Variants in PABPC3 observed in about 807,000 individuals in gnomAD.
The protein encoded by PABPC3 is poly(A) binding protein cytoplasmic 3.
PABPC3 carries 43 observed loss-of-function variants against 43.0 expected under a neutral mutation model. The ratio of observed to expected loss-of-function variants is 1.00; its 90% confidence interval spans 0.78 to 1.29. The LOEUF (loss-of-function observed/expected upper bound fraction) is 1.29, where lower values mean the gene tolerates loss of function less well. Among genes scored for constraint, PABPC3 ranks in the 50% most tolerant of loss-of-function variants. The probability of loss-of-function intolerance (pLI) is 0.00; values close to 1 mark genes in which losing one functional copy is unlikely to be tolerated. For missense variants in PABPC3, 784 were observed against 798.1 expected (o/e 0.98, Z 0.21); for synonymous variants, 221 against 274.6 (o/e 0.80, Z 1.93).
At position 25,096,345 on chromosome 13, in the gene PABPC3, C is replaced by G; in HGVS notation, c.147C>G (p.Ser49Arg). 2 of 1,614,236 alleles carry G rather than the reference C, an allele frequency of 1.2e-6. No homozygotes were observed. The highest frequency in any genetic ancestry group is 1.7e-6 in the Non-Finnish European group (2 of 1,180,052). ...SIRICRDLIT[S>R]GSSNYAYVNF... ...GGATCTGCAGGGACTTGATCACCAG[C>G]GGCTCCTCCAACTACGCGTATGTGA... The change falls in exon 1 of 1, where the codon AGC becomes AGG. Residue 49 changes from serine (S) to arginine (R), a missense_variant. Physicochemically the swap from Ser to Arg is moderately radical, Grantham distance 110. Coordinates refer to ENST00000281589, the MANE Select transcript of PABPC3 (RefSeq NM_030979.3).
At position 25,096,364 on chromosome 13, in the gene PABPC3, T is replaced by A. The variant is rs1956036107; in HGVS notation, c.166T>A (p.Tyr56Asn). The A allele has an allele frequency of 6.2e-7, 1 of 1,614,078 alleles. No homozygotes were observed. The highest frequency in any genetic ancestry group is 1.7e-5 in the Admixed American group (1 of 60,004). The change falls in exon 1 of 1, where the codon TAT becomes AAT. Residue 56 changes from tyrosine (Y) to asparagine (N), a missense_variant. Physicochemically the swap from Tyr to Asn is moderately radical, Grantham distance 143 (BLOSUM62 -2). Coordinates refer to ENST00000281589, the MANE Select transcript of PABPC3 (RefSeq NM_030979.3). ...CACCAGCGGCTCCTCCAACTACGCG[T>A]ATGTGAACTTCCAGCATACGAAGGA... is the stretch of plus-strand genomic sequence containing the variant. ...LITSGSSNYA[Y>N]VNFQHTKDAE...
rs200575875 is a variant in PABPC3, at chr13:25,096,676, G to A, written c.478G>A (p.Gly160Arg). Residue 160 changes from glycine (G) to arginine (R), a missense_variant, in exon 1 of 1, where the codon GGA becomes AGA. Coordinates refer to ENST00000281589, the MANE Select transcript of PABPC3 (RefSeq NM_030979.3). ...AAERAIKKMN[G>R]MLLNGRKVFV... ...TGAAAGAGCTATTAAAAAAATGAACGGAATGCTCCTAAATGGTCGCAAAGT... is the reference window on the plus strand; with the variant it reads ...TGAAAGAGCTATTAAAAAAATGAACAGAATGCTCCTAAATGGTCGCAAAGT... 55 of 1,614,048 alleles carry A rather than the reference G, an allele frequency of 3.4e-5. No homozygotes were observed. Among genetic ancestry groups the A allele is most frequent in the Non-Finnish European group, 4.2e-5 (50 of 1,180,040 alleles).
At position 25,096,441 on chromosome 13, in the gene PABPC3, A is replaced by G. The variant is rs372437075; in HGVS notation, c.243A>G (p.Pro81=). The part of the protein sequence containing the change: ...TMNFDVIKGK[P]VRIMWSQRDP... ...ATTTTGATGTTATAAAGGGCAAGCC[A>G]GTACGCATCATGTGGTCTCAGCGTG... Residue 81 remains proline (P), a synonymous_variant, in exon 1 of 1, where the codon CCA becomes CCG. Coordinates refer to ENST00000281589, the MANE Select transcript of PABPC3 (RefSeq NM_030979.3). The G allele has an allele frequency of 1.2e-6, 2 of 1,614,266 alleles. No homozygotes were observed. Among genetic ancestry groups the G allele is most frequent in the Non-Finnish European group, 1.7e-6 (2 of 1,180,048 alleles).
Position 25,096,737 on chromosome 13 carries a change from A to G in PABPC3, c.539A>G (p.Glu180Gly), listed in dbSNP as rs769081819. Reference protein sequence around the residue: ...VGQFKSRKEREAELGARAKEF... With the variant: ...VGQFKSRKERGAELGARAKEF... The stretch of plus-strand genomic sequence containing the variant: ...CAATTTAAGTCTCGTAAAGAACGAG[A>G]AGCTGAACTTGGAGCTAGGGCAAAA... Residue 180 changes from glutamate (E) to glycine (G), a missense_variant, in exon 1 of 1, where the codon GAA becomes GGA. Physicochemically the swap from Glu to Gly is moderately conservative, Grantham distance 98. Coordinates refer to ENST00000281589, the MANE Select transcript of PABPC3 (RefSeq NM_030979.3). 6.2e-7 allele frequency: 1 copy of G among 1,614,310 alleles called. No individual in the cohort carries two copies. Among genetic ancestry groups the G allele is most frequent in the Non-Finnish European group, 8.5e-7 (1 of 1,180,060 alleles).
In PABPC3 at chr13:25,098,296, T is replaced by C. The variant is rs1290715594; in HGVS notation, c.*202T>C. Reference sequence around the variant, plus strand: ...TATAATGCTAGTCCTAGATTACTTATTGATTTAAAAACAAAAAAAAGATTA... The same window carrying C: ...TATAATGCTAGTCCTAGATTACTTACTGATTTAAAAACAAAAAAAAGATTA... On this transcript the variant is annotated 3_prime_UTR_variant, in exon 1 of 1. Transcript: ENST00000281589. 6.3e-6 allele frequency: 3 copies of C among 476,132 alleles called. No homozygotes were observed. The highest frequency in any genetic ancestry group is 3.9e-5 in the Admixed American group (1 of 25,752). 29.5% of individuals were successfully genotyped at this position (476,132 alleles called of 1,614,324 possible). A position where few individuals can be genotyped will look rare whatever the true frequency, so the allele number is the denominator to read the frequency against.
chr13:25,096,462 G>C lies in PABPC3; in HGVS notation c.264G>C (p.Gln88His). 1 of 1,614,226 alleles carries C rather than the reference G, an allele frequency of 6.2e-7. No homozygotes were observed. Among genetic ancestry groups the C allele is most frequent in the African/African-American group, 1.3e-5 (1 of 75,056 alleles). The change falls in exon 1 of 1, where the codon CAG (glutamine) becomes CAC (histidine). Residue 88 changes from glutamine (Q) to histidine (H), a missense_variant. By Grantham distance (24) the Gln-to-His change is conservative (BLOSUM62 0). Transcript: ENST00000281589. Reference sequence around the variant, plus strand: ...AGCCAGTACGCATCATGTGGTCTCAGCGTGATCCATCACTTCGAAAAAGTG... The same window carrying C: ...AGCCAGTACGCATCATGTGGTCTCACCGTGATCCATCACTTCGAAAAAGTG... Reference protein sequence around the residue: ...KGKPVRIMWSQRDPSLRKSGV... With the variant: ...KGKPVRIMWSHRDPSLRKSGV...
rs1956059900 is a variant in PABPC3, at chr13:25,098,292, C to T, written c.*198C>T. ...CAAATATAATGCTAGTCCTAGATTA[C>T]TTATTGATTTAAAAACAAAAAAAAG... is the stretch of plus-strand genomic sequence containing the variant. On this transcript the variant is annotated 3_prime_UTR_variant, in exon 1 of 1. Coordinates refer to ENST00000281589, the MANE Select transcript of PABPC3 (RefSeq NM_030979.3). The T allele has an allele frequency of 2.1e-6, 1 of 479,374 alleles. No individual in the cohort carries two copies. 29.7% of individuals were successfully genotyped at this position (479,374 alleles called of 1,614,324 possible).
rs768683709 is a variant in PABPC3 at position 25,097,282 on chromosome 13, C to G, written c.1084C>G (p.Pro362Ala). The part of the protein sequence containing the change: ...EMNGRIVATK[P>A]LYVALAQRKE... ...GAACGGTAGAATTGTGGCCACAAAGCCATTGTATGTAGCTTTAGCTCAGCG... is the reference window on the plus strand; with the variant it reads ...GAACGGTAGAATTGTGGCCACAAAGGCATTGTATGTAGCTTTAGCTCAGCG... The change falls in exon 1 of 1, where the codon CCA (proline) becomes GCA (alanine). Residue 362 changes from proline to alanine, a missense_variant. Pro to Ala is a conservative substitution (Grantham distance 27, BLOSUM62 -1). Coordinates refer to ENST00000281589, the MANE Select transcript of PABPC3 (RefSeq NM_030979.3). 1 of 1,614,288 alleles carries G rather than the reference C, an allele frequency of 6.2e-7. No homozygotes were observed. The highest frequency in any genetic ancestry group is 8.5e-7 in the Non-Finnish European group (1 of 1,180,056).
rs1202292951 is a variant in PABPC3, at chr13:25,097,480, A to G, written c.1282A>G (p.Ser428Gly). The G allele has an allele frequency of 6.2e-7, 1 of 1,614,260 alleles. No individual in the cohort carries two copies. The highest frequency in any genetic ancestry group is 1.1e-5 in the South Asian group (1 of 91,086). ...PPSQIARLRP[S>G]PRWTAQGARP... ...TAGCCAAATTGCTCGACTAAGACCA[A>G]GTCCTCGCTGGACTGCTCAGGGTGC... is the stretch of plus-strand genomic sequence containing the variant. Residue 428 changes from serine to glycine, a missense_variant, in exon 1 of 1, where the codon AGT becomes GGT. By Grantham distance (56) the Ser-to-Gly change is moderately conservative. Transcript: ENST00000281589.
Position 25,098,058 on chromosome 13 carries a change from A to G in PABPC3, c.1860A>G (p.Lys620=), listed in dbSNP as rs758698743. The G allele has an allele frequency of 5.7e-5, 92 of 1,613,918 alleles. No homozygotes were observed. The South Asian group carries it at 9.7e-4, about 17-fold the overall frequency. Residue 620 remains lysine (K), a synonymous_variant, in exon 1 of 1, where the codon AAA becomes AAG. Transcript: ENST00000281589. ...QAHQAKEATQ[K]AVNSATGVPT... ...ACCAAGCTAAAGAGGCTACCCAGAA[A>G]GCAGTTAACAGTGCTACCGGTGTTC... is the stretch of plus-strand genomic sequence containing the variant.
At position 25,098,585 on chromosome 13, in the gene PABPC3, T is replaced by C. The variant is rs1227753238; in HGVS notation, c.*491T>C. 1.2e-5 allele frequency: 2 copies of C among 167,340 alleles called. No individual in the cohort carries two copies. Among genetic ancestry groups the C allele is most frequent in the African/African-American group, 4.8e-5 (2 of 41,266 alleles). 10.4% of individuals were successfully genotyped at this position (167,340 alleles called of 1,614,324 possible). A position where few individuals can be genotyped will look rare whatever the true frequency, so the allele number is the denominator to read the frequency against. ...CAGTGAAAAAAAGAAAAATCATCAA[T>C]TTTACTAATAGTCTTTCTTTACATT... On this transcript the variant is annotated 3_prime_UTR_variant, in exon 1 of 1. Coordinates refer to ENST00000281589, the MANE Select transcript of PABPC3 (RefSeq NM_030979.3).
Position 25,096,266 on chromosome 13 carries a change from C to G in PABPC3, c.68C>G (p.Thr23Ser), listed in dbSNP as rs2137382526. ...LYVGDLHPDV[T>S]EAMLYEKFSP... ...GTGGGGGACCTCCACCCCGACGTGA[C>G]TGAGGCGATGCTCTACGAGAAGTTC... is the stretch of plus-strand genomic sequence containing the variant. Residue 23 changes from threonine (T) to serine (S), a missense_variant, in exon 1 of 1, where the codon ACT becomes AGT. Thr to Ser is a moderately conservative substitution (Grantham distance 58, BLOSUM62 1). Transcript: ENST00000281589. The G allele has an allele frequency of 6.2e-7, 1 of 1,614,258 alleles. No homozygotes were observed. The highest frequency in any genetic ancestry group is 8.5e-7 in the Non-Finnish European group (1 of 1,180,050).
At position 25,098,319 on chromosome 13, in the gene PABPC3, T is replaced by G; in HGVS notation, c.*225T>G. On this transcript the variant is annotated 3_prime_UTR_variant, in exon 1 of 1. Coordinates refer to ENST00000281589, the MANE Select transcript of PABPC3 (RefSeq NM_030979.3). Reference sequence around the variant, plus strand: ...TATTGATTTAAAAACAAAAAAAAGATTACTTAATTTTGATTTAAAAACAAA... The same window carrying G: ...TATTGATTTAAAAACAAAAAAAAGAGTACTTAATTTTGATTTAAAAACAAA... The G allele has an allele frequency of 2.3e-6, 1 of 432,742 alleles. No individual in the cohort carries two copies. 26.8% of individuals were successfully genotyped at this position (432,742 alleles called of 1,614,324 possible). A position where few individuals can be genotyped will look rare whatever the true frequency, so the allele number is the denominator to read the frequency against.
At position 25,096,662 on chromosome 13, in the gene PABPC3, T is replaced by C; in HGVS notation, c.464T>C (p.Ile155Thr). 1 of 1,614,240 alleles carries C rather than the reference T, an allele frequency of 6.2e-7. No individual in the cohort carries two copies. The change falls in exon 1 of 1, where the codon ATT becomes ACT. Residue 155 changes from isoleucine (I) to threonine (T), a missense_variant. Coordinates refer to ENST00000281589, the MANE Select transcript of PABPC3 (RefSeq NM_030979.3). ...ACACACGAAGCAGCTGAAAGAGCTATTAAAAAAATGAACGGAATGCTCCTA... is the reference window on the plus strand; with the variant it reads ...ACACACGAAGCAGCTGAAAGAGCTACTAAAAAAATGAACGGAATGCTCCTA... ...FETHEAAERA[I>T]KKMNGMLLNG...
rs774572581 is a variant in PABPC3 at position 25,097,509 on chromosome 13, A to G, written c.1311A>G (p.Arg437=). ...PSPRWTAQGA[R]PHPFQNKPSA... ...CTCGCTGGACTGCTCAGGGTGCCAG[A>G]CCTCATCCATTCCAAAATAAGCCCA... The change falls in exon 1 of 1, where the codon AGA becomes AGG. Residue 437 remains arginine (R), a synonymous_variant. Transcript: ENST00000281589. 2 of 1,614,230 alleles carry G rather than the reference A, an allele frequency of 1.2e-6. No individual in the cohort carries two copies. Among genetic ancestry groups the G allele is most frequent in the Middle Eastern group, 1.6e-4 (1 of 6,062 alleles).
Position 25,097,760 on chromosome 13 carries a change from C to G in PABPC3, c.1562C>G (p.Ala521Gly), listed in dbSNP as rs1565996815. 10 of 1,614,026 alleles carry G rather than the reference C, an allele frequency of 6.2e-6. No homozygotes were observed. The highest frequency in any genetic ancestry group is 8.5e-6 in the Non-Finnish European group (10 of 1,180,022). ...GVRNPQQHRN[A>G]QPQVTMQQLA... Reference sequence around the variant, plus strand: ...CGCAATCCTCAGCAACATCGTAATGCACAGCCACAAGTTACAATGCAACAG... The same window carrying G: ...CGCAATCCTCAGCAACATCGTAATGGACAGCCACAAGTTACAATGCAACAG... The change falls in exon 1 of 1, where the codon GCA becomes GGA. Residue 521 changes from alanine to glycine, a missense_variant. Physicochemically the swap from Ala to Gly is moderately conservative, Grantham distance 60. Coordinates refer to ENST00000281589, the MANE Select transcript of PABPC3 (RefSeq NM_030979.3).
At position 25,097,848 on chromosome 13, in the gene PABPC3, T is replaced by A. The variant is rs1261573987; in HGVS notation, c.1650T>A (p.Pro550=). The A allele has an allele frequency of 2.5e-6, 4 of 1,613,878 alleles. No homozygotes were observed. The highest frequency in any genetic ancestry group is 1.7e-5 in the Admixed American group (1 of 59,998). The change falls in exon 1 of 1, where the codon CCT becomes CCA. Residue 550 remains proline (P), a synonymous_variant. Coordinates refer to ENST00000281589, the MANE Select transcript of PABPC3 (RefSeq NM_030979.3). Reference sequence around the variant, plus strand: ...CCTCCAGGTTGGCATCTGCCCCTCCTCAAAAGCAAAAGCAAATGTTAGGTG... The same window carrying A: ...CCTCCAGGTTGGCATCTGCCCCTCCACAAAAGCAAAAGCAAATGTTAGGTG... ...LTASRLASAP[P]QKQKQMLGER...
In PABPC3 at chr13:25,096,423, T is replaced by C. The variant is rs1956036896; in HGVS notation, c.225T>C (p.Asp75=). The C allele has an allele frequency of 1.9e-6, 3 of 1,614,178 alleles. No homozygotes were observed. The highest frequency in any genetic ancestry group is 2.7e-5 in the African/African-American group (2 of 75,056). Reference sequence around the variant, plus strand: ...ATGCTCTGGACACCATGAATTTTGATGTTATAAAGGGCAAGCCAGTACGCA... The same window carrying C: ...ATGCTCTGGACACCATGAATTTTGACGTTATAAAGGGCAAGCCAGTACGCA... ...AEHALDTMNF[D]VIKGKPVRIM... Residue 75 remains aspartate, a synonymous_variant, in exon 1 of 1, where the codon GAT becomes GAC. Coordinates refer to ENST00000281589, the MANE Select transcript of PABPC3 (RefSeq NM_030979.3).
rs1345529087 is a variant in PABPC3 at position 25,098,047 on chromosome 13, G to T, written c.1849G>T (p.Ala617Ser). The part of the protein sequence containing the change: ...AVLQAHQAKE[A>S]TQKAVNSATG... ...ACTACAAGCCCACCAAGCTAAAGAGGCTACCCAGAAAGCAGTTAACAGTGC... is the reference window on the plus strand; with the variant it reads ...ACTACAAGCCCACCAAGCTAAAGAGTCTACCCAGAAAGCAGTTAACAGTGC... Residue 617 changes from alanine (A) to serine (S), a missense_variant, in exon 1 of 1, where the codon GCT becomes TCT. Ala to Ser is a moderately conservative substitution (Grantham distance 99). Transcript: ENST00000281589. The T allele has an allele frequency of 1.2e-6, 2 of 1,613,960 alleles. No individual in the cohort carries two copies. The highest frequency in any genetic ancestry group is 1.3e-5 in the African/African-American group (1 of 75,034).
Sources: allele counts gnomAD v4.1 joint callset, GRCh38; gene constraint gnomAD v4.1.1; transcripts MANE v1.5; gene names NCBI Gene and HGNC (gene_info 2026-07-23, HGNC 2026-07-21).